Variants in MTMR2 observed in about 807,000 individuals in gnomAD.
MTMR2 encodes the protein myotubularin related protein 2, also known as phosphatidylinositol-3,5-bisphosphate 3-phosphatase MTMR2.
MTMR2 carries 55 observed loss-of-function variants against 86.9 expected under a neutral mutation model. The ratio of observed to expected loss-of-function variants is 0.63; its 90% confidence interval spans 0.51 to 0.79. The LOEUF (loss-of-function observed/expected upper bound fraction) is 0.79, where lower values mean the gene tolerates loss of function less well. Among genes scored for constraint, MTMR2 ranks in the 30% least tolerant of loss-of-function variants. The pLI is 0.00. For synonymous variants in MTMR2, 241 were observed against 266.8 expected, an observed-to-expected ratio of 0.90 and a Z score of 0.94; for missense variants, 659 against 772.3, an observed-to-expected ratio of 0.85 and a Z score of 1.74.
chr11:95,864,071 T>A (rs1180605328), intron 3 of MTMR2, among the ~76,000 whole-genome samples: 1 of 152,140 alleles, frequency 6.6e-6, no homozygotes, highest in Non-Finnish European at 1.5e-5. Flanking sequence ...AGTTTGGAGT[T>A]AAACGTGATG....
chr11:95,916,284 A>C (rs1198615196), intron 1 of MTMR2, among the ~76,000 whole-genome samples: 43 of 152,186 alleles, frequency 2.8e-4, no homozygotes, highest in Admixed American at 2.8e-3. Context: ...GGCCTCACAG[A>C]TGAGACTGCC....
At chr11:95,907,795 T>C in intron 1 of MTMR2, 1 of 368,064 alleles carries the variant, frequency 2.7e-6, no homozygotes, top group South Asian at 2.2e-5. Flanking sequence ...CAGAAAAGGC[T>C]TTTGATAAAA....
intron 2 of MTMR2, among the ~76,000 whole-genome samples, chr11:95,871,711 T>C (rs930752123): frequency 1.3e-5 from 2 of 152,238 alleles, no homozygotes; most frequent in Non-Finnish European, 2.9e-5. Context: ...GGTAGTTTCT[T>C]TTGCTGTGCA....
chr11:95,835,368 A>G lies in MTMR2; in HGVS notation c.1854T>C (p.Ile618=). 1 of 1,613,132 alleles carries G rather than the reference A, an allele frequency of 6.2e-7. No homozygotes were observed. Residue 618 remains isoleucine, a synonymous_variant, in exon 15 of 15, where the codon ATT becomes ATC. Transcript: ENST00000346299. ...CTGAGGATGAGGTTGATCGGTTAGA[A>G]ATCTCTCTCTGTAGTTCCTCTACTT... ...QKKVEELQRE[I]SNRSTSSSER...
rs557215950 is a variant in MTMR2 at position 95,846,808 on chromosome 11, GCTCT to G, written c.1179+902_1179+905del. ...TTTAATGAATGGGCCACATGAACATGCTCTCTGAGTAGTGTTTATACTTTGTGAT... is the reference window on the plus strand; with the variant it reads ...TTTAATGAATGGGCCACATGAACATGCTGAGTAGTGTTTATACTTTGTGAT... On this transcript the variant is annotated intron_variant, in intron 10 of 14. Transcript: ENST00000346299. Among the ~76,000 whole-genome samples, 716 of 152,246 alleles carry G rather than the reference GCTCT, an allele frequency of 4.7e-3. 7 individuals carry two copies. The highest frequency in any genetic ancestry group is 0.016 in the African/African-American group (683 of 41,532).
chr11:95,866,863 T>C (rs990269955), intron 2 of MTMR2, among the ~76,000 whole-genome samples: 11 of 151,776 alleles, frequency 7.2e-5, no homozygotes, highest in African/African-American at 2.7e-4. Context: ...TTGGTACTCT[T>C]AGGCAAGGTT....
At chr11:95,887,403 T>A (rs1865551515) in intron 2 of MTMR2, among the ~76,000 whole-genome samples, 1 of 151,842 alleles carries the variant, frequency 6.6e-6, no homozygotes, top group Non-Finnish European at 1.5e-5. Flanking sequence ...TAAATGTTTA[T>A]TGTTTCGTGT....
At chr11:95,850,853 A>G in intron 7 of MTMR2, 104 bp from the exon 8 acceptor site, 1 of 1,074,236 alleles carries the variant, frequency 9.3e-7, no homozygotes, top group African/African-American at 1.6e-5. Context: ...TCTACTATCC[A>G]TCTCCTAAAG....
rs1207492923 is a variant in MTMR2 at position 95,888,242 on chromosome 11, CTGAA to C, written c.96_99del (p.His32GlnfsTer29). 2 of 1,613,168 alleles carry C rather than the reference CTGAA, an allele frequency of 1.2e-6. No homozygotes were observed. Among genetic ancestry groups the C allele is most frequent in the Admixed American group, 1.7e-5 (1 of 59,986 alleles). On this transcript the variant is annotated frameshift_variant, in exon 2 of 15. Coordinates refer to ENST00000346299, the MANE Select transcript of MTMR2 (RefSeq NM_016156.6). LOFTEE classifies it high-confidence loss of function. ...GCTGATTTTGTATGCACTGAATTCT[CTGAA>C]TGAGAAGTGGAGGCACTACAAAATA...
intron 1 of MTMR2, among the ~76,000 whole-genome samples, chr11:95,923,037 T>G (rs1437019510): frequency 1.3e-5 from 2 of 152,162 alleles, no homozygotes; most frequent in Admixed American, 6.5e-5. Flanking sequence ...TTTAAAAAAT[T>G]TTTAAATCAT....
At chr11:95,856,046 A>G (rs1864198905) in intron 7 of MTMR2, among the ~76,000 whole-genome samples, 1 of 152,212 alleles carries the variant, frequency 6.6e-6, no homozygotes, top group South Asian at 2.1e-4. Context: ...ATATGTTTGA[A>G]GATGGTACCA....
At chr11:95,903,721 A>AT (rs1565382779) in intron 1 of MTMR2, among the ~76,000 whole-genome samples, 3 of 152,240 alleles carry the variant, frequency 2.0e-5, no homozygotes, top group African/African-American at 7.2e-5. Context: ...CCAAACACAG[A>AT]TTTTCCACAA....
intron 12 of MTMR2, 25 bp downstream of exon 12, chr11:95,841,592 A>C: frequency 6.6e-7 from 1 of 1,515,472 alleles, no homozygotes; most frequent in Non-Finnish European, 9.1e-7. Flanking sequence ...GAGATGTGTA[A>C]GAATACATAG....
intron 1 of MTMR2, among the ~76,000 whole-genome samples, chr11:95,913,831 A>C (rs982018996): frequency 2.0e-5 from 3 of 152,144 alleles, no homozygotes; most frequent in Admixed American, 6.6e-5. Flanking sequence ...TTGGCTAAGA[A>C]ACATACAAAA....
At position 95,847,784 on chromosome 11, in the gene MTMR2, A is replaced by T; in HGVS notation, c.1109T>A (p.Val370Glu). 1 of 1,613,736 alleles carries T rather than the reference A, an allele frequency of 6.2e-7. No homozygotes were observed. Among genetic ancestry groups the T allele is most frequent in the Non-Finnish European group, 8.5e-7 (1 of 1,179,674 alleles). Residue 370 changes from valine (V) to glutamate (E), a missense_variant, in exon 10 of 15, where the codon GTG becomes GAG. Val to Glu is a moderately radical substitution (Grantham distance 121, BLOSUM62 -2). Transcript: ENST00000346299. The stretch of plus-strand genomic sequence containing the variant: ...GTGGGTTTCCTCAATGTTGGGGTAC[A>T]CAATCTCCTTAAGTTTTCGTAATGA... ...RESLRKLKEI[V>E]YPNIEETHWL...
In MTMR2 at chr11:95,858,624, C is replaced by T; in HGVS notation, c.477G>A (p.Arg159=). The change falls in exon 6 of 15, where the codon AGG becomes AGA. Residue 159 remains arginine (R), a synonymous_variant. Coordinates refer to ENST00000346299, the MANE Select transcript of MTMR2 (RefSeq NM_016156.6). ...CAGGTTTATGAGCAAATCGTAAATTCCTAATATCCTAGAAAAGATTTAGGA... is the reference window on the plus strand; with the variant it reads ...CAGGTTTATGAGCAAATCGTAAATTTCTAATATCCTAGAAAAGATTTAGGA... ...YGLETVCKDI[R]NLRFAHKPEG... The T allele has an allele frequency of 6.2e-7, 1 of 1,602,362 alleles. No individual in the cohort carries two copies. Among genetic ancestry groups the T allele is most frequent in the Non-Finnish European group, 8.5e-7 (1 of 1,169,748 alleles).
chr11:95,838,586 C>A (rs494829), intron 12 of MTMR2, among the ~76,000 whole-genome samples: 41,929 of 151,812 alleles, frequency 0.28, 6,993 homozygotes, highest in Non-Finnish European at 0.38. Flanking sequence ...ATAATGTCTC[C>A]AGAAAATGTC....
intron 7 of MTMR2, among the ~76,000 whole-genome samples, chr11:95,855,668 A>G (rs1353517199): frequency 1.3e-5 from 2 of 152,148 alleles, no homozygotes; most frequent in South Asian, 2.1e-4. Flanking sequence ...GCCAGTCATG[A>G]TATCTGTTTT....
intron 2 of MTMR2, among the ~76,000 whole-genome samples, chr11:95,869,907 G>A (rs373436323): frequency 3.2e-4 from 48 of 152,240 alleles, no homozygotes; most frequent in African/African-American, 1.1e-3. Flanking sequence ...TGAGAGTGTG[G>A]ACTGAAAAGG....
Sources: allele counts gnomAD v4.1 joint callset (sites outside exome capture counted in the v4.1 genomes callset), GRCh38; gene constraint gnomAD v4.1.1; transcripts MANE v1.5; gene names NCBI Gene and HGNC (gene_info 2026-07-23, HGNC 2026-07-21).